EPHA7: variants seen among roughly 807,000 people sequenced by gnomAD.
EPHA7 encodes ephrin type-A receptor 7.
A neutral mutation model predicts 112.6 loss-of-function variants in EPHA7; 25 were observed. The observed-to-expected ratio is 0.22, with a 90% CI of 0.16 to 0.31. The LOEUF (loss-of-function observed/expected upper bound fraction) is 0.31. Ranked by LOEUF, EPHA7 falls within the 10% of genes least tolerant of loss-of-function variation. The pLI is 1.00. For synonymous variants in EPHA7, 437 were observed against 406.5 expected, an observed-to-expected ratio of 1.07 and a Z score of -0.90; for missense variants, 962 against 1,212.6, an observed-to-expected ratio of 0.79 and a Z score of 3.07.
chr6:93,296,433 A>T (rs112201565), intron 5 of EPHA7, among the ~76,000 whole-genome samples: 13,847 of 130,980 alleles, frequency 0.11, 818 homozygotes, highest in Non-Finnish European at 0.14. Context: ...TATATATATA[A>T]AATATATAAA....
In EPHA7 at chr6:93,255,861, T is replaced by G; in HGVS notation, c.2349A>C (p.Ile783=). 6.2e-7 allele frequency: 1 copy of G among 1,614,092 alleles called. No homozygotes were observed. The highest frequency in any genetic ancestry group is 8.5e-7 in the Non-Finnish European group (1 of 1,179,978). ...KVSDFGLSRV[I]EDDPEAVYTT... ...TATAGACAGCTTCTGGATCATCCTC[T>G]ATAACTCGGGACAGGCCAAAATCTG... Residue 783 remains isoleucine (I), a synonymous_variant, in exon 13 of 17, where the codon ATA becomes ATC. Transcript: ENST00000369303.
In EPHA7 at chr6:93,256,048, A is replaced by G. The variant is rs773102527; in HGVS notation, c.2173-11T>C. On this transcript the variant is annotated splice_polypyrimidine_tract_variant and intron_variant, in intron 12 of 16. Coordinates refer to ENST00000369303, the MANE Select transcript of EPHA7 (RefSeq NM_004440.4). ...TTGCCCATCATGTTTCTGCAGGAAG[A>G]CAAAAATAAAAGCCCAGTTAACTGC... The G allele has an allele frequency of 2.5e-6, 4 of 1,613,244 alleles. No homozygotes were observed. Among genetic ancestry groups the G allele is most frequent in the African/African-American group, 2.7e-5 (2 of 74,882 alleles).
At chr6:93,416,468 G>A (rs1448071548) in intron 1 of EPHA7, among the ~76,000 whole-genome samples, 1 of 152,166 alleles carries the variant, frequency 6.6e-6, no homozygotes, top group Non-Finnish European at 1.5e-5. Flanking sequence ...AGCTCAGCCT[G>A]GGGGTGGAAG....
At chr6:93,324,512 T>G (rs1009377383) in intron 5 of EPHA7, among the ~76,000 whole-genome samples, 6 of 151,290 alleles carry the variant, frequency 4.0e-5, no homozygotes, top group Admixed American at 3.3e-4. Flanking sequence ...AAAAATGGGA[T>G]CACAGAACTC....
chr6:93,364,233 A>T (rs1776393565), intron 3 of EPHA7, among the ~76,000 whole-genome samples: 1 of 152,078 alleles, frequency 6.6e-6, no homozygotes, highest in Admixed American at 6.5e-5. Flanking sequence ...TCATTATAAA[A>T]TCCATCAGGG....
chr6:93,297,971 T>G (rs993402856), intron 5 of EPHA7, among the ~76,000 whole-genome samples: 4 of 152,178 alleles, frequency 2.6e-5, no homozygotes, highest in Non-Finnish European at 2.9e-5. Flanking sequence ...TAGCCCTCAG[T>G]GCAGCAAACT....
intron 16 of EPHA7, among the ~76,000 whole-genome samples, chr6:93,243,773 T>C (rs1382633149): frequency 6.6e-6 from 1 of 152,112 alleles, no homozygotes; most frequent in Non-Finnish European, 1.5e-5. Flanking sequence ...TCAATTCACT[T>C]TTAAAGTGAT....
At chr6:93,332,727 GAA>G (rs1774658349) in intron 5 of EPHA7, among the ~76,000 whole-genome samples, 1 of 151,492 alleles carries the variant, frequency 6.6e-6, no homozygotes, top group East Asian at 1.9e-4. Flanking sequence ...GAGTATTTTT[GAA>G]TTTCAAATAA....
intron 5 of EPHA7, among the ~76,000 whole-genome samples, chr6:93,282,714 C>T (rs540531115): frequency 5.1e-4 from 78 of 152,272 alleles, no homozygotes; most frequent in African/African-American, 1.7e-3. Flanking sequence ...TCCCGGTGGG[C>T]GTGGGCTCGG....
intron 5 of EPHA7, among the ~76,000 whole-genome samples, chr6:93,307,413 T>G (rs1382934682): frequency 6.6e-6 from 1 of 152,114 alleles, no homozygotes; most frequent in Non-Finnish European, 1.5e-5. Flanking sequence ...GATTTCTAGC[T>G]TACTCTGGGC....
At chr6:93,407,414 G>T (rs778182366) in intron 3 of EPHA7, among the ~76,000 whole-genome samples, 11 of 152,130 alleles carry the variant, frequency 7.2e-5, no homozygotes, top group Middle Eastern at 3.4e-3. Flanking sequence ...GATTCCAGAG[G>T]CAAGTACTCT....
At chr6:93,361,189 T>C (rs540150702) in intron 3 of EPHA7, among the ~76,000 whole-genome samples, 3 of 152,246 alleles carry the variant, frequency 2.0e-5, no homozygotes, top group South Asian at 2.1e-4. Flanking sequence ...AATGTGATCA[T>C]AAAAGTCTTA....
chr6:93,279,470 T>C lies in EPHA7; in HGVS notation c.1325-7048A>G, dbSNP rs532211624. On this transcript the variant is annotated intron_variant, in intron 5 of 16. Coordinates refer to ENST00000369303, the MANE Select transcript of EPHA7 (RefSeq NM_004440.4). The stretch of plus-strand genomic sequence containing the variant: ...ACTGGTATCTAATTAATTAATCCTA[T>C]AAGAAGAGTAAAATATTTCAAAGTG... 9.2e-5 allele frequency among the ~76,000 whole-genome samples: 14 copies of C among 152,182 alleles called. No individual in the cohort carries two copies. The South Asian group carries it at 2.7e-3, about 29-fold the overall frequency.
chr6:93,379,390 T>C (rs1777223875), intron 3 of EPHA7, among the ~76,000 whole-genome samples: 1 of 152,108 alleles, frequency 6.6e-6, no homozygotes, highest in South Asian at 2.1e-4. Context: ...TTTGCTATTA[T>C]GAAATATGAA....
At chr6:93,411,496 A>G (rs1582693507) in intron 2 of EPHA7, among the ~76,000 whole-genome samples, 1 of 152,288 alleles carries the variant, frequency 6.6e-6, no homozygotes, top group East Asian at 1.9e-4. Flanking sequence ...ACTAAAGCTC[A>G]CAATTATTTA....
Position 93,356,991 on chromosome 6 carries a change from T to C in EPHA7, c.1050A>G (p.Glu350=), listed in dbSNP as rs760697329. 1 of 1,613,970 alleles carries C rather than the reference T, an allele frequency of 6.2e-7. No individual in the cohort carries two copies. The highest frequency in any genetic ancestry group is 1.3e-5 in the African/African-American group (1 of 74,938). ...CCCCATTGTCTGCAGGAGGACTCCA[T>C]TCCAAACTTACTGTGGTTTGGTTGA... ...FNINQTTVSL[E]WSPPADNGGR... Residue 350 remains glutamate, a synonymous_variant, in exon 5 of 17, where the codon GAA becomes GAG. Coordinates refer to ENST00000369303, the MANE Select transcript of EPHA7 (RefSeq NM_004440.4).
At chr6:93,314,346 CTTA>C (rs1159619483) in intron 5 of EPHA7, among the ~76,000 whole-genome samples, 1 of 152,072 alleles carries the variant, frequency 6.6e-6, no homozygotes, top group Non-Finnish European at 1.5e-5. Context: ...AGTAATCATC[CTTA>C]TTACTATTGT....
chr6:93,380,483 G>A (rs1777282447), intron 3 of EPHA7, among the ~76,000 whole-genome samples: 1 of 152,008 alleles, frequency 6.6e-6, no homozygotes, highest in Non-Finnish European at 1.5e-5. Context: ...TTAGTAAGTG[G>A]CATTCTCACT....
intron 5 of EPHA7, among the ~76,000 whole-genome samples, chr6:93,306,334 T>A (rs562535417): frequency 2.6e-5 from 4 of 152,098 alleles, no homozygotes; most frequent in South Asian, 2.1e-4. Flanking sequence ...TATAAAAAAA[T>A]GTCCTCAGGG....
Sources: gnomAD v4.1 joint callset for allele counts (sites outside exome capture counted in the v4.1 genomes callset) on GRCh38, gnomAD v4.1.1 for gene constraint, MANE v1.5 for transcripts, NCBI Gene and HGNC (gene_info 2026-07-23, HGNC 2026-07-21) for gene names.